The following DPP6 variants were observed in gnomAD, a reference collection of about 807,000 sequenced individuals.
The protein encoded by DPP6 is A-type potassium channel modulatory protein DPP6.
In DPP6, 69 loss-of-function variants were observed where a neutral mutation model predicts 122.6. That is an observed-to-expected ratio of 0.56 (90% CI 0.46 to 0.69). DPP6 has a LOEUF of 0.69. Ranked by LOEUF, DPP6 falls within the 30% of genes least tolerant of loss-of-function variation. DPP6 has a pLI of 0.00. For missense variants in DPP6, 928 were observed against 1,116.9 expected, an observed-to-expected ratio of 0.83 and a Z score of 2.41; for synonymous variants, 418 against 433.1, an observed-to-expected ratio of 0.97 and a Z score of 0.43.
chr7:153,944,410 G>A (rs1445018781), intron 1 of DPP6, among the ~76,000 whole-genome samples: 1 of 152,184 alleles, frequency 6.6e-6, no homozygotes, highest in Admixed American at 6.5e-5. Context: ...TGTTGCAGCG[G>A]TGTTCTGGAG....
chr7:154,678,629 C>G (rs568538824), intron 7 of DPP6, among the ~76,000 whole-genome samples: 1 of 152,204 alleles, frequency 6.6e-6, no homozygotes, highest in African/African-American at 2.4e-5. Context: ...CTGAAGTCAG[C>G]GAGACCAAGA....
At chr7:154,737,455 AT>A (rs1341316150) in intron 8 of DPP6, among the ~76,000 whole-genome samples, 2 of 152,120 alleles carry the variant, frequency 1.3e-5, no homozygotes, top group African/African-American at 4.8e-5. Flanking sequence ...GATATGCTGT[AT>A]TTTTTATTTG....
intron 1 of DPP6, among the ~76,000 whole-genome samples, chr7:154,301,858 C>T (rs1805931107): frequency 7.2e-6 from 1 of 139,856 alleles, no homozygotes; most frequent in Admixed American, 7.7e-5. Flanking sequence ...AGCTCTGTCA[C>T]CCAGGCTGGA....
chr7:153,954,040 A>G (rs924088737), intron 1 of DPP6, among the ~76,000 whole-genome samples: 4 of 152,126 alleles, frequency 2.6e-5, no homozygotes, highest in African/African-American at 7.2e-5. Context: ...TAGAGAGTCA[A>G]TCTCCTTCAC....
At chr7:154,190,064 T>C (rs144492278) in intron 1 of DPP6, among the ~76,000 whole-genome samples, 162 of 152,362 alleles carry the variant, frequency 1.1e-3, no homozygotes, top group Non-Finnish European at 1.9e-3. Context: ...ATAAATATTT[T>C]ATGATTGTAA....
chr7:154,022,972 C>T lies in DPP6; in HGVS notation c.51+135238C>T, dbSNP rs186032563. Among the ~76,000 whole-genome samples, 340 of 152,286 alleles carry T rather than the reference C, an allele frequency of 2.2e-3. 1 individual carries two copies. Among genetic ancestry groups the T allele is most frequent in the African/African-American group, 7.5e-3 (313 of 41,560 alleles). ...TTAACTTCTAATCCAAGGGTCAGTA[C>T]AAAGCCAATTCCCCTTCTCCTCCAG... is the stretch of plus-strand genomic sequence containing the variant. On this transcript the variant is annotated intron_variant, in intron 1 of 25. Coordinates refer to the DPP6 transcript ENST00000404039.
At chr7:153,801,044 G>A in the DPP6 span, among the ~76,000 whole-genome samples, 1 of 150,974 alleles carries the variant, frequency 6.6e-6, no homozygotes, top group Non-Finnish European at 1.5e-5. Context: ...TAAGCTGTTT[G>A]TAGAGCTTAT....
intron 1 of DPP6, among the ~76,000 whole-genome samples, chr7:154,362,101 G>T (rs767243300): frequency 1.3e-5 from 2 of 152,224 alleles, no homozygotes; most frequent in Non-Finnish European, 2.9e-5. Flanking sequence ...ATTCAGGGAG[G>T]TTGTGCTACA....
the DPP6 span, among the ~76,000 whole-genome samples, chr7:153,855,078 G>A: frequency 8.6e-6 from 1 of 115,748 alleles, no homozygotes; most frequent in African/African-American, 3.3e-5. Flanking sequence ...TCACACTCTG[G>A]GGACTGTTGT....
rs1799820887 is a variant in DPP6 at position 154,821,989 on chromosome 7, CTG to C, written c.1666+14879_1666+14880del. On this transcript the variant is annotated intron_variant, in intron 16 of 25. Transcript: ENST00000377770. This position sits in a 1 kb window ranked among gnomAD's most constrained non-coding sequence, Gnocchi z 4.2. ...GTCTCAAGCTTCCCTGATGTTATTT[CTG>C]TACCTGTCAAACTAGCAACTTATTT... Among the ~76,000 whole-genome samples, 1 of 152,166 alleles carries C rather than the reference CTG, an allele frequency of 6.6e-6. No individual in the cohort carries two copies. Among genetic ancestry groups the C allele is most frequent in the South Asian group, 2.1e-4 (1 of 4,816 alleles).
intron 1 of DPP6, among the ~76,000 whole-genome samples, chr7:154,281,785 A>G (rs893629944): frequency 6.6e-6 from 1 of 152,184 alleles, no homozygotes; most frequent in African/African-American, 2.4e-5. Flanking sequence ...GATTTATACC[A>G]GTAGCCTCTT....
intron 1 of DPP6, among the ~76,000 whole-genome samples, chr7:153,923,477 C>T (rs1339381780): frequency 2.0e-5 from 3 of 152,042 alleles, no homozygotes; most frequent in African/African-American, 4.8e-5. Context: ...GTTCCTTCAT[C>T]TTGGCCCGGC....
chr7:154,749,537 GGA>G (rs377608438), intron 8 of DPP6, among the ~76,000 whole-genome samples: 3 of 127,812 alleles, frequency 2.3e-5, no homozygotes, highest in African/African-American at 1.0e-4. Flanking sequence ...GCATAGGACG[GGA>G]GAGAGAGGGA....
chr7:154,253,939 G>C (rs116121704), intron 1 of DPP6, among the ~76,000 whole-genome samples: 3,139 of 152,310 alleles, frequency 0.021, 121 homozygotes, highest in African/African-American at 0.071. Context: ...GAGCGAGAGA[G>C]AGCAAGCGCA....
At chr7:154,015,269 A>G (rs991592706) in intron 1 of DPP6, among the ~76,000 whole-genome samples, 1 of 151,766 alleles carries the variant, frequency 6.6e-6, no homozygotes, top group African/African-American at 2.4e-5. Context: ...TCCTTTTTCC[A>G]TGTCCTCGAC....
chr7:154,788,955 T>C (rs548487438), intron 10 of DPP6, among the ~76,000 whole-genome samples: 12 of 152,336 alleles, frequency 7.9e-5, no homozygotes, highest in Admixed American at 2.6e-4. Context: ...TGCAGCCCCC[T>C]CATCTCCCTT....
intron 8 of DPP6, among the ~76,000 whole-genome samples, chr7:154,753,665 C>T (rs1391762592): frequency 6.6e-6 from 1 of 152,178 alleles, no homozygotes; most frequent in Non-Finnish European, 1.5e-5. Flanking sequence ...GCGACTTCTG[C>T]TTCAGGCTAG....
chr7:153,865,960 T>C, the DPP6 span, among the ~76,000 whole-genome samples: 1 of 152,158 alleles, frequency 6.6e-6, no homozygotes, highest in Non-Finnish European at 1.5e-5. Flanking sequence ...GCTTCATCCA[T>C]GTCCCTATAA....
Position 154,819,288 on chromosome 7 carries a change from G to A in DPP6, c.1666+12176G>A, listed in dbSNP as rs562273970. On this transcript the variant is annotated intron_variant, in intron 16 of 25. Transcript: ENST00000377770. ...AAATTAGCTGGACGTGATGGCACGT[G>A]CCTTTAATTCCAGCTACTCAGGAGG... is the stretch of plus-strand genomic sequence containing the variant. Among the ~76,000 whole-genome samples, 4 of 152,290 alleles carry A rather than the reference G, an allele frequency of 2.6e-5. No individual in the cohort carries two copies. In the South Asian group the frequency reaches 8.3e-4, roughly 32 times the overall value.
Sources: allele counts gnomAD v4.1 joint callset (sites outside exome capture counted in the v4.1 genomes callset), GRCh38; gene constraint gnomAD v4.1.1; non-coding constraint Gnocchi (gnomAD v3.1); transcripts MANE v1.5; gene names NCBI Gene and HGNC (gene_info 2026-07-23, HGNC 2026-07-21).